Variants in NBEA observed in about 807,000 individuals in gnomAD.
The protein encoded by NBEA is lysosomal-trafficking regulator 2.
In NBEA, 44 loss-of-function variants were observed where a neutral mutation model predicts 343.4. The observed-to-expected ratio is 0.13, with a 90% CI of 0.10 to 0.16. The LOEUF (loss-of-function observed/expected upper bound fraction) is 0.16. Ranked by LOEUF, NBEA falls within the 10% of genes least tolerant of loss-of-function variation. The pLI is 1.00. For synonymous variants in NBEA, 1,175 were observed against 1,238.7 expected (o/e 0.95, Z 1.08); for missense variants, 2,555 against 3,631.3 (o/e 0.70, Z 7.62).
chr13:35,107,738 A>G (rs2152654403), intron 11 of NBEA, among the ~76,000 whole-genome samples: 1 of 152,126 alleles, frequency 6.6e-6, no homozygotes, highest in South Asian at 2.1e-4. Context: ...ATCAACATGT[A>G]TATTTTCTAA....
At chr13:35,503,256 AAAAAAT>A (rs1303925924) in intron 41 of NBEA, among the ~76,000 whole-genome samples, 1 of 151,736 alleles carries the variant, frequency 6.6e-6, no homozygotes, top group Non-Finnish European at 1.5e-5. Context: ...ATAATAGTAT[AAAAAAT>A]AAAATTAAAA....
At chr13:35,028,392 A>G (rs372604828) in intron 1 of NBEA, among the ~76,000 whole-genome samples, 65 of 151,990 alleles carry the variant, frequency 4.3e-4, no homozygotes, top group African/African-American at 1.4e-3. Context: ...TTAAATTTAC[A>G]TAGACAATTA....
At chr13:35,630,878 TA>T (rs1020238674) in intron 49 of NBEA, among the ~76,000 whole-genome samples, 1 of 152,138 alleles carries the variant, frequency 6.6e-6, no homozygotes, top group Non-Finnish European at 1.5e-5. Flanking sequence ...GGCCATTTAG[TA>T]CAGTGTAGAC....
intron 41 of NBEA, chr13:35,474,883 C>G (rs2075793591): frequency 1.3e-6 from 1 of 780,736 alleles, no homozygotes; most frequent in Non-Finnish European, 2.0e-6. Context: ...GCTTCCCCTA[C>G]TTTTTCTCCC....
intron 41 of NBEA, among the ~76,000 whole-genome samples, chr13:35,538,592 A>T (rs2078666078): frequency 6.6e-6 from 1 of 152,216 alleles, no homozygotes; most frequent in Admixed American, 6.5e-5. Context: ...AGCAGCAACA[A>T]CAGTCAATGC....
At chr13:35,619,834 T>C (rs752584929) in intron 48 of NBEA, among the ~76,000 whole-genome samples, 3 of 152,220 alleles carry the variant, frequency 2.0e-5, no homozygotes, top group African/African-American at 4.8e-5. Flanking sequence ...TGAGGACTTG[T>C]TCATTCCATA....
chr13:35,423,963 G>A (rs1256380482), intron 38 of NBEA, among the ~76,000 whole-genome samples: 1 of 152,128 alleles, frequency 6.6e-6, no homozygotes, highest in South Asian at 2.1e-4. Context: ...TCTGTTATTG[G>A]TGTGTAAGAA....
At chr13:35,540,704 G>T (rs181968748) in intron 41 of NBEA, among the ~76,000 whole-genome samples, 80 of 152,218 alleles carry the variant, frequency 5.3e-4, no homozygotes, top group African/African-American at 1.7e-3. Context: ...TTCCTTCTCT[G>T]TGCAAGTTCT....
chr13:35,486,147 A>G (rs2076296179), intron 41 of NBEA, among the ~76,000 whole-genome samples: 1 of 152,130 alleles, frequency 6.6e-6, no homozygotes, highest in Non-Finnish European at 1.5e-5. Flanking sequence ...TAGTTATATT[A>G]TGTCATTAAA....
chr13:35,266,806 C>G (rs1446619909), intron 34 of NBEA, among the ~76,000 whole-genome samples: 1 of 151,654 alleles, frequency 6.6e-6, no homozygotes, highest in African/African-American at 2.4e-5. Context: ...AACAGTTATC[C>G]CATGAACAAC....
At chr13:35,316,232 A>G (rs2037705771) in intron 36 of NBEA, among the ~76,000 whole-genome samples, 2 of 151,960 alleles carry the variant, frequency 1.3e-5, no homozygotes, top group South Asian at 4.2e-4. Flanking sequence ...CACATTAGGT[A>G]TTTCTCCTAA....
At chr13:35,387,944 A>G (rs180913774) in intron 38 of NBEA, among the ~76,000 whole-genome samples, 4 of 152,270 alleles carry the variant, frequency 2.6e-5, no homozygotes, top group Admixed American at 6.5e-5. Flanking sequence ...GCCATGATTT[A>G]CTGAACTAAT....
intron 1 of NBEA, among the ~76,000 whole-genome samples, chr13:34,946,897 G>A: frequency 6.7e-6 from 1 of 148,444 alleles, no homozygotes; most frequent in Non-Finnish European, 1.5e-5. Flanking sequence ...CTTCCTTAGA[G>A]TTTTTTTAAA....
intron 47 of NBEA, among the ~76,000 whole-genome samples, chr13:35,594,991 A>ACACAC (rs35723951): frequency 7.0e-5 from 10 of 142,664 alleles, no homozygotes; most frequent in South Asian, 2.2e-4. Flanking sequence ...ACACACACAC[A>ACACAC]AATTGGCTTT....
chr13:35,137,828 A>G lies in NBEA; in HGVS notation c.2337-4441A>G, dbSNP rs551904959. 3.8e-4 allele frequency among the ~76,000 whole-genome samples: 58 copies of G among 152,296 alleles called. No individual in the cohort carries two copies. The South Asian group carries it at 0.011, about 29-fold the overall frequency. On this transcript the variant is annotated intron_variant, in intron 17 of 58. Coordinates refer to ENST00000379939, the MANE Select transcript of NBEA (RefSeq NM_001385012.1). ...TGAAAAATGAGTTAAAATAAAAATC[A>G]TTTTAAAATGCTATAGTAGAAAGAA...
chr13:35,519,485 A>T (rs1318391967), intron 41 of NBEA, among the ~76,000 whole-genome samples: 1 of 151,900 alleles, frequency 6.6e-6, no homozygotes, highest in Admixed American at 6.6e-5. Context: ...GATTATAAAG[A>T]TTTTCTTTTT....
chr13:35,475,318 A>G (rs746764847), intron 41 of NBEA: 1 of 1,614,088 alleles, frequency 6.2e-7, no homozygotes. Flanking sequence ...CAGAGTCTTC[A>G]TATGGTAATT....
At chr13:35,451,260 ACCACAGG>A (rs1412523557) in intron 39 of NBEA, among the ~76,000 whole-genome samples, 3 of 152,022 alleles carry the variant, frequency 2.0e-5, no homozygotes, top group Non-Finnish European at 4.4e-5. Context: ...GGTAGCTGGG[ACCACAGG>A]CTTTTGGCTC....
chr13:35,300,039 G>A lies in NBEA; in HGVS notation c.5839-9489G>A, dbSNP rs73491834. The stretch of plus-strand genomic sequence containing the variant: ...TCAGCATCCACAACAAACAAATACC[G>A]TTTCTCCTCTATGCTATGTACTTTT... On this transcript the variant is annotated intron_variant, in intron 35 of 58. Transcript: ENST00000379939. Among the ~76,000 whole-genome samples, 982 of 152,162 alleles carry A rather than the reference G, an allele frequency of 6.5e-3. 10 individuals are homozygous for A. The highest frequency in any genetic ancestry group is 0.023 in the African/African-American group (939 of 41,522).
Sources: gnomAD v4.1 joint callset for allele counts (sites outside exome capture counted in the v4.1 genomes callset) on GRCh38, gnomAD v4.1.1 for gene constraint, MANE v1.5 for transcripts, NCBI Gene and HGNC (gene_info 2026-07-23, HGNC 2026-07-21) for gene names.